Variants in ZNF454 observed in about 807,000 individuals in gnomAD.
The protein encoded by ZNF454 is zinc finger protein 454.
A neutral mutation model predicts 48.2 loss-of-function variants in ZNF454; 30 were observed. The ratio of observed to expected loss-of-function variants is 0.62; its 90% CI spans 0.47 to 0.84. The LOEUF is 0.84. ZNF454 is among the 40% of genes least tolerant of loss of function. ZNF454 has a pLI of 0.00. For missense variants in ZNF454, 510 were observed against 623.1 expected (o/e 0.82, Z 1.93); for synonymous variants, 204 against 211.4 (o/e 0.97, Z 0.30).
At chr5:178,942,658 G>A in intron 1 of ZNF454, 27 bp from the exon 2 acceptor site, 2 of 969,600 alleles carry the variant, frequency 2.1e-6, no homozygotes, top group Non-Finnish European at 3.2e-6. Context: ...CTGTATGAGA[G>A]CTTTTGACCC....
the ZNF454 span, among the ~76,000 whole-genome samples, chr5:178,988,768 T>C: frequency 3.9e-5 from 6 of 152,184 alleles, no homozygotes; most frequent in South Asian, 4.1e-4. This position sits in a 1 kb window ranked among gnomAD's most constrained non-coding sequence, Gnocchi z 6.0. Context: ...GTGTTAAAAA[T>C]TGGGGACCGG....
the ZNF454 span, chr5:178,989,164 G>A: frequency 1.9e-6 from 3 of 1,608,696 alleles, no homozygotes; most frequent in Non-Finnish European, 2.5e-6. Context: ...GAGAAAGTGT[G>A]CCCGGCCCCC....
chr5:178,975,467 AG>A, the ZNF454 span, among the ~76,000 whole-genome samples: 579 of 152,326 alleles, frequency 3.8e-3, 4 homozygotes, highest in African/African-American at 0.013. Flanking sequence ...CAATGAATAA[AG>A]GTGTCCACTA....
chr5:178,948,251 A>G (rs1759415142), intron 4 of ZNF454: 1 of 149,252 alleles, frequency 6.7e-6, no homozygotes, highest in African/African-American at 2.6e-5. Flanking sequence ...CTCAGTTGTC[A>G]ACAAACAATT....
chr5:178,953,279 T>G (rs1759627811), intron 4 of ZNF454, among the ~76,000 whole-genome samples: 1 of 152,204 alleles, frequency 6.6e-6, no homozygotes, highest in African/African-American at 2.4e-5. Context: ...ATGTTTACAT[T>G]CTTAAACACT....
intron 4 of ZNF454, chr5:178,956,953 G>C (rs11740462): frequency 0.31 from 78,157 of 253,896 alleles, 12,190 homozygotes; most frequent in Admixed American, 0.38. Flanking sequence ...GTACAATCTC[G>C]GCTCACTGCA....
chr5:178,985,608 C>T, the ZNF454 span: 7 of 352,282 alleles, frequency 2.0e-5, no homozygotes, highest in Admixed American at 2.0e-4. Context: ...GAGGCTGAGG[C>T]AGGAGAATGG....
chr5:178,959,353 T>TATTCTCTTTC (rs958265598), intron 4 of ZNF454, among the ~76,000 whole-genome samples: 4 of 152,238 alleles, frequency 2.6e-5, no homozygotes, highest in Non-Finnish European at 5.9e-5. Context: ...TTCTGGACTC[T>TATTCTCTTTC]ATTCTCTTTC....
At chr5:178,961,059 T>A (rs1469973847) in intron 4 of ZNF454, among the ~76,000 whole-genome samples, 3 of 151,520 alleles carry the variant, frequency 2.0e-5, no homozygotes, top group South Asian at 2.1e-4. Flanking sequence ...GCCTCCCAAG[T>A]AGCTGGGATT....
the ZNF454 span, chr5:178,986,104 T>C: frequency 6.2e-7 from 1 of 1,606,184 alleles, no homozygotes; most frequent in Middle Eastern, 1.8e-4. Flanking sequence ...CTCCCTGCCC[T>C]GGCCCTTGGG....
intron 4 of ZNF454, among the ~76,000 whole-genome samples, chr5:178,963,977 G>C (rs1017585238): frequency 2.0e-5 from 3 of 151,738 alleles, no homozygotes. Flanking sequence ...CATCTCATTT[G>C]AATCGACAGG....
At chr5:178,985,884 C>T in the ZNF454 span, 3 of 565,038 alleles carry the variant, frequency 5.3e-6, no homozygotes, top group Non-Finnish European at 9.6e-6. Context: ...ATTTCAGCCT[C>T]CCAAGTAGCT....
rs536726980 is a variant in ZNF454 at position 178,941,945 on chromosome 5, C to G, written c.-108+501C>G. ...AGAAGACCACCCTCCTTTTCCTCTTCTCCTGTCACTGCCAGATAAGGCAGC... is the reference window on the plus strand; with the variant it reads ...AGAAGACCACCCTCCTTTTCCTCTTGTCCTGTCACTGCCAGATAAGGCAGC... On this transcript the variant is annotated intron_variant, in intron 1 of 4. Coordinates refer to ENST00000519564, the MANE Select transcript of ZNF454 (RefSeq NM_001178089.3). The surrounding 1 kb of genome is among the most constrained non-coding windows in gnomAD (Gnocchi z 5.5). Among the ~76,000 whole-genome samples, 152 of 102,424 alleles carry G rather than the reference C, an allele frequency of 1.5e-3. No homozygotes were observed. The highest frequency in any genetic ancestry group is 5.2e-3 in the African/African-American group (150 of 28,974). 67.2% of individuals were successfully genotyped at this position (102,424 alleles called of 152,430 possible).
chr5:178,986,821 T>C, the ZNF454 span: 1 of 1,613,314 alleles, frequency 6.2e-7, no homozygotes, highest in Non-Finnish European at 8.5e-7. Context: ...CACCTGGGGC[T>C]CGGTCTGCAC....
the ZNF454 span, chr5:178,982,795 C>A: frequency 1.3e-6 from 1 of 750,626 alleles, no homozygotes; most frequent in South Asian, 1.5e-5. Flanking sequence ...AGTGAATGAA[C>A]AAGCAGCCAG....
intron 4 of ZNF454, among the ~76,000 whole-genome samples, chr5:178,959,236 A>G (rs182171060): frequency 6.6e-6 from 1 of 152,196 alleles, no homozygotes; most frequent in African/African-American, 2.4e-5. Flanking sequence ...CTTTTCCCCC[A>G]TTGTACTGCA....
intron 4 of ZNF454, among the ~76,000 whole-genome samples, chr5:178,961,518 A>C (rs116536442): frequency 0.076 from 11,554 of 151,664 alleles, 621 homozygotes; most frequent in Non-Finnish European, 0.1. Context: ...CAATCTTAAA[A>C]ATTAACAGCA....
At chr5:178,943,285 A>G (rs996381754) in intron 2 of ZNF454, among the ~76,000 whole-genome samples, 1 of 152,200 alleles carries the variant, frequency 6.6e-6, no homozygotes, top group Non-Finnish European at 1.5e-5. Flanking sequence ...CAATCATGGC[A>G]GAAGGTGAAG....
intron 4 of ZNF454, among the ~76,000 whole-genome samples, chr5:178,959,487 T>A (rs34551446): frequency 0.14 from 21,421 of 152,268 alleles, 1,647 homozygotes; most frequent in South Asian, 0.17. Flanking sequence ...ATTTTAGAAT[T>A]GGCTATTCAA....
Sources: gnomAD v4.1 joint callset for allele counts (sites outside exome capture counted in the v4.1 genomes callset) on GRCh38, gnomAD v4.1.1 for gene constraint, Gnocchi (gnomAD v3.1) non-coding constraint, MANE v1.5 for transcripts, NCBI Gene and HGNC (gene_info 2026-07-23, HGNC 2026-07-21) for gene names.